The following NADK2 variants were observed in gnomAD, a reference collection of about 807,000 sequenced individuals.
NADK2 encodes NAD kinase domain-containing protein 1, mitochondrial.
A neutral mutation model predicts 62.1 loss-of-function variants in NADK2; 35 were observed. The ratio of observed to expected loss-of-function variants is 0.56; its 90% CI spans 0.43 to 0.75. NADK2 has a LOEUF of 0.75. NADK2 is among the 30% of genes least tolerant of loss of function. NADK2 has a pLI of 0.00. For synonymous variants in NADK2, 205 were observed against 207.9 expected (o/e 0.99, Z 0.12); for missense variants, 439 against 561.3 (o/e 0.78, Z 2.20).
intron 1 of NADK2, among the ~76,000 whole-genome samples, chr5:36,233,278 C>G (rs1747775944): frequency 6.6e-6 from 1 of 152,152 alleles, no homozygotes; most frequent in South Asian, 2.1e-4. Flanking sequence ...TTAACACCAC[C>G]ACATTTTGGG....
intron 10 of NADK2, among the ~76,000 whole-genome samples, chr5:36,198,909 G>A (rs913672037): frequency 1.3e-5 from 2 of 151,810 alleles, no homozygotes; most frequent in African/African-American, 4.8e-5. Flanking sequence ...AACAAAGGAG[G>A]TCTTATGTGG....
Position 36,241,563 on chromosome 5 carries a change from C to A in NADK2, c.236G>T (p.Arg79Leu). ...GTACCGCTGCTGCTCGAACTCGTAC[C>A]GGGTGGTTTTGGCCACCACCACCAC... ...SRVVVVAKTTRYEFEQQRYRY... is the reference protein window; with the variant it reads ...SRVVVVAKTTLYEFEQQRYRY... The change falls in exon 1 of 12, where the codon CGG becomes CTG. Residue 79 changes from arginine to leucine, a missense_variant. Transcript: ENST00000381937. This position sits in a 1 kb window ranked among gnomAD's most constrained non-coding sequence, Gnocchi z 4.9. The A allele has an allele frequency of 6.4e-7, 1 of 1,556,804 alleles. No homozygotes were observed. The highest frequency in any genetic ancestry group is 8.6e-7 in the Non-Finnish European group (1 of 1,161,004).
At position 36,241,345 on chromosome 5, in the gene NADK2, A is replaced by AGAAGCCAGAGGACCTGGGG; in HGVS notation, c.300+135_300+153dup. On this transcript the variant is annotated intron_variant, in intron 1 of 11. Transcript: ENST00000381937. This position sits in a 1 kb window ranked among gnomAD's most constrained non-coding sequence, Gnocchi z 4.9. Reference sequence around the variant, plus strand: ...GCCCAAAGGCAAAGGAGGCCCAGGGAGAAGCCAGAGGACCTGGGGGCCGCG... The same window carrying AGAAGCCAGAGGACCTGGGG: ...GCCCAAAGGCAAAGGAGGCCCAGGGAGAAGCCAGAGGACCTGGGGGAAGCCAGAGGACCTGGGGGCCGCG... 1.5e-6 allele frequency: 2 copies of AGAAGCCAGAGGACCTGGGG among 1,305,440 alleles called. No individual in the cohort carries two copies. Among genetic ancestry groups the AGAAGCCAGAGGACCTGGGG allele is most frequent in the Non-Finnish European group, 2.0e-6 (2 of 1,018,536 alleles). The allele number at this position is 1,305,440 out of a possible 1,614,324, so 80.9% of individuals were successfully genotyped here.
chr5:36,208,526 T>G, intron 7 of NADK2: 1 of 827,792 alleles, frequency 1.2e-6, no homozygotes, highest in Non-Finnish European at 1.9e-6. Flanking sequence ...AATGAGCAAA[T>G]TTAGTGTCAT....
chr5:36,226,366 A>T, intron 3 of NADK2, 109 bp downstream of exon 3: 2 of 739,574 alleles, frequency 2.7e-6, no homozygotes, highest in Non-Finnish European at 4.4e-6. Flanking sequence ...AAATGTGTTT[A>T]ATGGTAAGAC....
chr5:36,206,007 G>A (rs1746620916), intron 8 of NADK2, among the ~76,000 whole-genome samples: 2 of 152,050 alleles, frequency 1.3e-5, no homozygotes, highest in South Asian at 4.1e-4. Flanking sequence ...TATGGATGAA[G>A]CTGGAAACCA....
chr5:36,225,024 T>TA (rs1747430183), intron 4 of NADK2, among the ~76,000 whole-genome samples: 1 of 152,100 alleles, frequency 6.6e-6, no homozygotes, highest in Admixed American at 6.5e-5. Flanking sequence ...TCCTCAGCAA[T>TA]ACCAAAGGTC....
At chr5:36,240,994 AG>A (rs888766858) in intron 1 of NADK2, among the ~76,000 whole-genome samples, 3 of 152,144 alleles carry the variant, frequency 2.0e-5, no homozygotes, top group Admixed American at 1.3e-4. Context: ...GCAGAGTAAA[AG>A]GGGGTGTGTC....
At chr5:36,216,963 A>C (rs188400683) in intron 6 of NADK2, among the ~76,000 whole-genome samples, 1 of 152,240 alleles carries the variant, frequency 6.6e-6, no homozygotes, top group Non-Finnish European at 1.5e-5. Flanking sequence ...AACACAACAT[A>C]AACACATATC....
At chr5:36,200,192 T>G (rs1245160889) in intron 10 of NADK2, 35 bp downstream of exon 10, 1 of 1,495,832 alleles carries the variant, frequency 6.7e-7, no homozygotes, top group Non-Finnish European at 9.1e-7. Context: ...GAAACAGAAC[T>G]AAACTGTTAG....
In NADK2 at chr5:36,197,628, G is replaced by A. The variant is rs368195000; in HGVS notation, c.1103C>T (p.Pro368Leu). 3.9e-5 allele frequency: 63 copies of A among 1,609,044 alleles called. No individual in the cohort carries two copies. The highest frequency in any genetic ancestry group is 8.9e-5 in the East Asian group (4 of 44,736). Residue 368 changes from proline (P) to leucine (L), a missense_variant, in exon 11 of 12, where the codon CCG (proline) becomes CTG (leucine). Coordinates refer to ENST00000381937, the MANE Select transcript of NADK2 (RefSeq NM_001085411.3). The part of the protein sequence containing the change: ...NEYNESLLYS[P>L]EEPKILFSIR... ...ACTGAAAAGTATTTTTGGTTCTTCC[G>A]GACTGTAGAGCAGTGATTCATTATA...
chr5:36,196,460 T>A (rs1246242420), intron 11 of NADK2, among the ~76,000 whole-genome samples: 1 of 152,166 alleles, frequency 6.6e-6, no homozygotes, highest in African/African-American at 2.4e-5. Flanking sequence ...TGGCCATTTT[T>A]CTGTCATGTT....
intron 11 of NADK2, among the ~76,000 whole-genome samples, chr5:36,197,200 T>G (rs146247787): frequency 1.1e-4 from 17 of 152,196 alleles, no homozygotes; most frequent in Non-Finnish European, 1.8e-4. Context: ...TGTGTTTTTA[T>G]TCTACAGCTT....
intron 1 of NADK2, among the ~76,000 whole-genome samples, chr5:36,229,507 G>T (rs10473001): frequency 0.93 from 140,609 of 151,948 alleles, 65,542 homozygotes; most frequent in Non-Finnish European, 0.98. Context: ...TGGACCAACA[G>T]AGCATGAATA....
At chr5:36,213,439 A>T (rs944969623) in intron 6 of NADK2, among the ~76,000 whole-genome samples, 1 of 151,882 alleles carries the variant, frequency 6.6e-6, no homozygotes, top group African/African-American at 2.4e-5. Context: ...ATGGAACATT[A>T]TATTTTTCTC....
At chr5:36,200,569 G>T (rs1355342536) in intron 9 of NADK2, among the ~76,000 whole-genome samples, 1 of 151,836 alleles carries the variant, frequency 6.6e-6, no homozygotes, top group Non-Finnish European at 1.5e-5. Context: ...AATATTACAT[G>T]GAAAATTATA....
At chr5:36,224,378 G>A (rs1747396660) in intron 4 of NADK2, among the ~76,000 whole-genome samples, 1 of 152,004 alleles carries the variant, frequency 6.6e-6, no homozygotes, top group Admixed American at 6.6e-5. Flanking sequence ...CCAACATGGT[G>A]AGACCCCATC....
chr5:36,207,801 C>T (rs1421947239), intron 7 of NADK2, among the ~76,000 whole-genome samples: 1 of 152,064 alleles, frequency 6.6e-6, no homozygotes, highest in Non-Finnish European at 1.5e-5. Flanking sequence ...AAAGAAAATT[C>T]TCAACCAATA....
chr5:36,224,211 TC>T, intron 4 of NADK2, among the ~76,000 whole-genome samples: 1 of 152,172 alleles, frequency 6.6e-6, no homozygotes, highest in Middle Eastern at 3.4e-3. Flanking sequence ...GATCTTTTTT[TC>T]CCCAGATGAC....
Sources: allele counts gnomAD v4.1 joint callset (sites outside exome capture counted in the v4.1 genomes callset), GRCh38; gene constraint gnomAD v4.1.1; non-coding constraint Gnocchi (gnomAD v3.1); transcripts MANE v1.5; gene names NCBI Gene and HGNC (gene_info 2026-07-23, HGNC 2026-07-21).